TUBGCP6: variants seen among roughly 807,000 people sequenced by gnomAD.
TUBGCP6 encodes the protein gamma-tubulin complex component 6.
A neutral mutation model predicts 175.8 loss-of-function variants in TUBGCP6; 161 were observed. The ratio of observed to expected loss-of-function variants is 0.92; its 90% CI spans 0.81 to 1.04. The LOEUF is 1.04. Ranked by LOEUF, TUBGCP6 falls within the 50% of genes least tolerant of loss-of-function variation. The probability of loss-of-function intolerance (pLI) is 0.00; values close to 1 mark genes in which losing one functional copy is unlikely to be tolerated. For synonymous variants in TUBGCP6, 1,173 were observed against 1,030.5 expected, an observed-to-expected ratio of 1.14 and a Z score of -2.65; for missense variants, 2,572 against 2,433.0, an observed-to-expected ratio of 1.06 and a Z score of -1.20.
chr22:50,232,086 C>A (rs1008494954), intron 3 of TUBGCP6, among the ~76,000 whole-genome samples: 1 of 151,478 alleles, frequency 6.6e-6, no homozygotes, highest in African/African-American at 2.4e-5. Context: ...CTGGGTGGGC[C>A]GGGCGTGGTG....
chr22:50,243,674 T>C (rs558845302), intron 1 of TUBGCP6, 45 bp downstream of exon 1: 1 of 1,511,266 alleles, frequency 6.6e-7, no homozygotes, highest in South Asian at 1.3e-5. Flanking sequence ...GGAAGCATTT[T>C]CCAAACCCCG....
intron 1 of TUBGCP6, among the ~76,000 whole-genome samples, chr22:50,240,654 G>A (rs1183390681): frequency 2.6e-5 from 4 of 152,066 alleles, no homozygotes; most frequent in Non-Finnish European, 4.4e-5. Context: ...TCCAATGTGG[G>A]GAACCCAGAA....
intron 10 of TUBGCP6, among the ~76,000 whole-genome samples, chr22:50,225,510 G>A (rs1000780072): frequency 6.6e-6 from 1 of 152,108 alleles, no homozygotes; most frequent in Admixed American, 6.5e-5. Flanking sequence ...TTCAGGCTGA[G>A]CCACCCAGAC....
At position 50,219,056 on chromosome 22, in the gene TUBGCP6, T is replaced by C; in HGVS notation, c.4626+12A>G. ...CCTCTACCACTGGCCCCACCCCGTG[T>C]CCGGAGGCCACCTTCTCAAAGAGCA... On this transcript the variant is annotated intron_variant, in intron 20 of 24. Coordinates refer to ENST00000248846, the MANE Select transcript of TUBGCP6 (RefSeq NM_020461.4). The C allele has an allele frequency of 6.2e-7, 1 of 1,611,452 alleles. No individual in the cohort carries two copies. Among genetic ancestry groups the C allele is most frequent in the South Asian group, 1.1e-5 (1 of 90,976 alleles).
intron 2 of TUBGCP6, among the ~76,000 whole-genome samples, chr22:50,237,131 C>T (rs911473503): frequency 1.3e-5 from 2 of 152,230 alleles, no homozygotes; most frequent in Non-Finnish European, 2.9e-5. Flanking sequence ...GGCCTCCCTC[C>T]GCCTTAACCC....
rs138207892 is a variant in TUBGCP6 at position 50,218,777 on chromosome 22, C to T, written c.4747G>A (p.Ala1583Thr). The change falls in exon 21 of 25, where the codon GCT becomes ACT. Residue 1583 changes from alanine to threonine, a missense_variant. Ala to Thr is a moderately conservative substitution (Grantham distance 58). Transcript: ENST00000248846. ...DTPHASNLSL[A>T]LKYLPEVFAP... Reference sequence around the variant, plus strand: ...AACACCTCGGGCAGGTACTTGAGAGCGAGGGAGAGGTTGGAGGCGTGCGGG... The same window carrying T: ...AACACCTCGGGCAGGTACTTGAGAGTGAGGGAGAGGTTGGAGGCGTGCGGG... The T allele has an allele frequency of 6.7e-5, 108 of 1,614,054 alleles. No homozygotes were observed. In the African/African-American group the frequency reaches 7.6e-4, roughly 11 times the overall value.
At chr22:50,225,658 G>T (rs1380802700) in intron 10 of TUBGCP6, 136 bp downstream of exon 10, 3 of 1,118,222 alleles carry the variant, frequency 2.7e-6, no homozygotes, top group Non-Finnish European at 3.6e-6. Context: ...CACCCACCCA[G>T]GCCACCGCCA....
At position 50,233,480 on chromosome 22, in the gene TUBGCP6, C is replaced by T. The variant is rs1429889641; in HGVS notation, c.952G>A (p.Asp318Asn). Residue 318 changes from aspartate (D) to asparagine (N), a missense_variant, in exon 3 of 25, where the codon GAC (aspartate) becomes AAC (asparagine). Coordinates refer to ENST00000248846, the MANE Select transcript of TUBGCP6 (RefSeq NM_020461.4). ...AGCCTGCAGAACTTGTCGAAAGCGT[C>T]CCTTCCCGCCTCCGTCAGGTAAGGC... Reference protein sequence around the residue: ...EEPYLTEAGRDAFDKFCRLHQ... With the variant: ...EEPYLTEAGRNAFDKFCRLHQ... 1 of 1,611,768 alleles carries T rather than the reference C, an allele frequency of 6.2e-7. No homozygotes were observed. Among genetic ancestry groups the T allele is most frequent in the Non-Finnish European group, 8.5e-7 (1 of 1,179,044 alleles).
In TUBGCP6 at chr22:50,219,679, T is replaced by C. The variant is rs747906460; in HGVS notation, c.4280A>G (p.His1427Arg). The C allele has an allele frequency of 6.2e-7, 1 of 1,613,722 alleles. No homozygotes were observed. Among genetic ancestry groups the C allele is most frequent in the Non-Finnish European group, 8.5e-7 (1 of 1,179,962 alleles). The change falls in exon 18 of 25, where the codon CAC becomes CGC. Residue 1427 changes from histidine to arginine, a missense_variant. By Grantham distance (29) the His-to-Arg change is conservative. Transcript: ENST00000248846. ...AYLAGLAGQY[H>R]LERYPDSYES... is the part of the protein sequence containing the mutation. ...GTAACTGTCCGGGTACCGCTCCAAG[T>C]GGTACTGCCCTGCCAGGCCTGCCAG...
rs1291555461 is a variant in TUBGCP6, at chr22:50,231,687, G to A, written c.1116+1629C>T. ...ATCCTGGCTAACATGGTGAAACCCCGTCTCTACTAAAAATACAAAAAATTA... is the reference window on the plus strand; with the variant it reads ...ATCCTGGCTAACATGGTGAAACCCCATCTCTACTAAAAATACAAAAAATTA... On this transcript the variant is annotated intron_variant, in intron 3 of 24. Transcript: ENST00000248846. Among the ~76,000 whole-genome samples the A allele has an allele frequency of 7.9e-5, 12 of 151,312 alleles. 1 individual carries two copies. Among genetic ancestry groups the A allele is most frequent in the African/African-American group, 4.9e-5 (2 of 41,192 alleles).
Position 50,240,237 on chromosome 22 carries a change from G to T in TUBGCP6, c.872C>A (p.Ala291Asp). 1.2e-6 allele frequency: 2 copies of T among 1,613,990 alleles called. No individual in the cohort carries two copies. The highest frequency in any genetic ancestry group is 1.7e-6 in the Non-Finnish European group (2 of 1,180,030). ...DLWEAALTYE[A>D]SKRRCWERVG... ...TCGCTCCCAGCACCTCCGCTTGCTG[G>T]CCTCATAGGTAAGTGCGGCTTCCCA... The change falls in exon 2 of 25, where the codon GCC becomes GAC. Residue 291 changes from alanine (A) to aspartate (D), a missense_variant. Ala to Asp is a moderately radical substitution (Grantham distance 126). Transcript: ENST00000248846.
At chr22:50,239,611 G>A (rs1253811590) in intron 2 of TUBGCP6, among the ~76,000 whole-genome samples, 1 of 152,234 alleles carries the variant, frequency 6.6e-6, no homozygotes, top group African/African-American at 2.4e-5. Context: ...CATCCAGAGA[G>A]CAAGCTGCTG....
chr22:50,225,863 C>T lies in TUBGCP6; in HGVS notation c.1914G>A (p.Lys638=), dbSNP rs772010907. The T allele has an allele frequency of 5.6e-6, 9 of 1,613,884 alleles. No homozygotes were observed. Among genetic ancestry groups the T allele is most frequent in the Non-Finnish European group, 6.8e-6 (8 of 1,180,006 alleles). ...FSLEELKEIE[K]DCAVYVGRME... ...TGCGCCCAACGTAGACGGCACAGTC[C>T]TTCTCAATCTCCTTCAACTCCTCAA... The change falls in exon 10 of 25, where the codon AAG becomes AAA. Residue 638 remains lysine (K), a synonymous_variant. Transcript: ENST00000248846.
chr22:50,219,004 G>C, intron 20 of TUBGCP6, 64 bp downstream of exon 20: 1 of 1,600,330 alleles, frequency 6.2e-7, no homozygotes, highest in East Asian at 2.2e-5. Context: ...TGGGCGTGCA[G>C]CCAGTCTCTC....
At position 50,243,617 on chromosome 22, in the gene TUBGCP6, C is replaced by CCAA. The variant is rs1555910658; in HGVS notation, c.741+101_741+102insTTG. The CCAA allele has an allele frequency of 4.9e-5, 27 of 550,606 alleles. No homozygotes were observed. In the African/African-American group the frequency reaches 1.1e-3, roughly 23 times the overall value. 34.1% of individuals were successfully genotyped at this position (550,606 alleles called of 1,614,324 possible). A position where few individuals can be genotyped will look rare whatever the true frequency, so the allele number is the denominator to read the frequency against. On this transcript the variant is annotated intron_variant, in intron 1 of 24. Transcript: ENST00000248846. The stretch of plus-strand genomic sequence containing the variant: ...TGGGTGACAGAGTGAGACACTGTCT[C>CCAA]AAAAAAAAAAAAAAAAAGAAGAAGA...
Position 50,244,003 on chromosome 22 carries a change from G to C in TUBGCP6, c.457C>G (p.Leu153Val). ...TGAACGTCCATCTCAAACACACTCAGGTCGTCGCAATCATAGCCGCTGTAC... is the reference window on the plus strand; with the variant it reads ...TGAACGTCCATCTCAAACACACTCACGTCGTCGCAATCATAGCCGCTGTAC... ...VPYSGYDCDD[L>V]SVFEMDVQSL... The change falls in exon 1 of 25, where the codon CTG becomes GTG. Residue 153 changes from leucine to valine, a missense_variant. Leu to Val is a conservative substitution (Grantham distance 32). Transcript: ENST00000248846. The C allele has an allele frequency of 1.2e-6, 2 of 1,614,148 alleles. No individual in the cohort carries two copies. The highest frequency in any genetic ancestry group is 1.7e-6 in the Non-Finnish European group (2 of 1,180,046).
chr22:50,237,465 G>C (rs2064790961), intron 2 of TUBGCP6, among the ~76,000 whole-genome samples: 1 of 152,252 alleles, frequency 6.6e-6, no homozygotes, highest in Non-Finnish European at 1.5e-5. Context: ...TGGGATCAGG[G>C]AGTAGAGGGG....
chr22:50,222,688 C>A (rs1200525071), intron 13 of TUBGCP6, 96 bp from the exon 14 acceptor site: 13 of 1,517,840 alleles, frequency 8.6e-6, no homozygotes, highest in Admixed American at 1.8e-5. Flanking sequence ...ATAACAGAGG[C>A]CCCAGTGGGC....
intron 2 of TUBGCP6, among the ~76,000 whole-genome samples, chr22:50,239,919 G>A (rs534855453): frequency 4.6e-5 from 7 of 152,190 alleles, no homozygotes; most frequent in Non-Finnish European, 8.8e-5. Context: ...AGCTCTGCCC[G>A]ACAGGTGTGA....
Sources: allele counts gnomAD v4.1 joint callset (sites outside exome capture counted in the v4.1 genomes callset), GRCh38; gene constraint gnomAD v4.1.1; transcripts MANE v1.5; gene names NCBI Gene and HGNC (gene_info 2026-07-23, HGNC 2026-07-21).